GNG2: variants seen among roughly 807,000 people sequenced by gnomAD.
GNG2 encodes G protein subunit gamma 2.
In GNG2, 5 loss-of-function variants were observed where a neutral mutation model predicts 5.5. That is an observed-to-expected ratio of 0.91 (90% CI 0.48 to 1.92). The LOEUF (loss-of-function observed/expected upper bound fraction) is 1.92. Ranked by LOEUF, GNG2 falls within the 30% of genes most tolerant of loss-of-function variation. The pLI, the probability that GNG2 is intolerant of heterozygous loss-of-function variation, is 0.01. For missense variants in GNG2, 55 were observed against 88.4 expected (o/e 0.62, Z 1.52); for synonymous variants, 28 against 32.0 (o/e 0.88, Z 0.42).
intron 2 of GNG2, among the ~76,000 whole-genome samples, chr14:51,930,215 A>C (rs1426535813): frequency 6.6e-6 from 1 of 152,206 alleles, no homozygotes; most frequent in Non-Finnish European, 1.5e-5. Flanking sequence ...AATTTCTCTT[A>C]GTAGCATCAG....
At chr14:51,942,895 C>G (rs1369800224) in intron 2 of GNG2, among the ~76,000 whole-genome samples, 4 of 152,064 alleles carry the variant, frequency 2.6e-5, no homozygotes, top group Non-Finnish European at 4.4e-5. Context: ...CTACTGGGCT[C>G]ACAACAGCTT....
At chr14:51,940,494 T>A (rs1005721932) in intron 2 of GNG2, 1 of 152,318 alleles carries the variant, frequency 6.6e-6, no homozygotes, top group African/African-American at 2.4e-5. Context: ...CCTTTTTTGT[T>A]CTTCATCTCA....
rs1254539878 is a variant in GNG2 at position 51,966,588 on chromosome 14, C to T, written c.117C>T (p.Ala39=). Residue 39 remains alanine, a synonymous_variant, in exon 4 of 4, where the codon GCC becomes GCT. Transcript: ENST00000556766. ...CCAAGGCAGCTGCAGATTTGATGGC[C>T]TACTGTGAAGCACATGCCAAGGAAG... The part of the protein sequence containing the change: ...KVSKAAADLM[A]YCEAHAKEDP... 1 of 1,613,638 alleles carries T rather than the reference C, an allele frequency of 6.2e-7. No homozygotes were observed. The highest frequency in any genetic ancestry group is 1.7e-5 in the Admixed American group (1 of 60,026).
intron 2 of GNG2, among the ~76,000 whole-genome samples, chr14:51,840,034 A>G (rs896709326): frequency 1.3e-5 from 2 of 152,296 alleles, no homozygotes; most frequent in East Asian, 1.9e-4. Context: ...TTTTGTATCA[A>G]TTACTTGCAT....
At chr14:51,929,411 A>T (rs1887525633) in intron 2 of GNG2, among the ~76,000 whole-genome samples, 2 of 152,234 alleles carry the variant, frequency 1.3e-5, no homozygotes. Context: ...CTGAGAATCA[A>T]GAGGCACTAA....
chr14:51,889,054 T>C (rs545620966), intron 2 of GNG2, among the ~76,000 whole-genome samples: 2 of 149,674 alleles, frequency 1.3e-5, no homozygotes, highest in East Asian at 2.0e-4. Context: ...GGTTTCAGAC[T>C]GGGGGAGAGG....
At chr14:51,864,986 G>C (rs561524927) in intron 1 of GNG2, among the ~76,000 whole-genome samples, 1 of 152,132 alleles carries the variant, frequency 6.6e-6, no homozygotes, top group South Asian at 2.1e-4. Context: ...CCTTAAACTG[G>C]TGAGGCAGGG....
chr14:51,832,316 A>G (rs190407539), intron 2 of GNG2, among the ~76,000 whole-genome samples: 3 of 152,202 alleles, frequency 2.0e-5, no homozygotes, highest in Non-Finnish European at 4.4e-5. Context: ...AAGATGGCAA[A>G]GCTATTTCAA....
intron 2 of GNG2, among the ~76,000 whole-genome samples, chr14:51,832,118 A>G (rs1005982423): frequency 2.8e-5 from 4 of 144,992 alleles, no homozygotes; most frequent in African/African-American, 1.1e-4. Context: ...TGTCTGTACA[A>G]AAAATACAAA....
intron 2 of GNG2, chr14:51,914,038 G>T: frequency 1.9e-6 from 1 of 521,528 alleles, no homozygotes; most frequent in Non-Finnish European, 3.4e-6. Flanking sequence ...GCTTAAAACT[G>T]GGAGTCACTG....
chr14:51,905,465 G>A (rs1045723598), intron 2 of GNG2, among the ~76,000 whole-genome samples: 1 of 152,056 alleles, frequency 6.6e-6, no homozygotes, highest in African/African-American at 2.4e-5. Context: ...CTCACTACAT[G>A]GTTTGGCTGA....
chr14:51,951,926 C>G (rs1256175908), intron 3 of GNG2: 1 of 701,814 alleles, frequency 1.4e-6, no homozygotes, highest in Admixed American at 2.0e-5. Context: ...TGGTTCTCAG[C>G]TCATCTGTGC....
intron 2 of GNG2, among the ~76,000 whole-genome samples, chr14:51,845,402 G>A (rs1222878868): frequency 6.6e-6 from 1 of 152,208 alleles, no homozygotes; most frequent in Admixed American, 6.5e-5. Context: ...GCTGAGGTGG[G>A]AGGATTGACT....
At chr14:51,865,914 G>A (rs1377892354) in intron 1 of GNG2, among the ~76,000 whole-genome samples, 2 of 150,460 alleles carry the variant, frequency 1.3e-5, no homozygotes, top group African/African-American at 2.5e-5. Context: ...GGGAGTCAGT[G>A]TTCAGACAAT....
chr14:51,930,962 G>A, intron 2 of GNG2, among the ~76,000 whole-genome samples: 1 of 152,202 alleles, frequency 6.6e-6, no homozygotes, highest in South Asian at 2.1e-4. Context: ...CCATGGTGGT[G>A]GCATGCGCCT....
chr14:51,925,205 A>C (rs118129993), intron 2 of GNG2, among the ~76,000 whole-genome samples: 1 of 152,240 alleles, frequency 6.6e-6, no homozygotes, highest in Non-Finnish European at 1.5e-5. Context: ...TGTTGTATAC[A>C]TGTATGAAAA....
intron 1 of GNG2, among the ~76,000 whole-genome samples, chr14:51,865,941 T>A (rs1882845854): frequency 1.8e-5 from 1 of 56,152 alleles, no homozygotes. Context: ...AGGACTTCAT[T>A]AAACACTGAA....
rs573586553 is a variant in GNG2, at chr14:51,966,970, C to A, written c.*283C>A. ...TTTTCTGCTATCCCCCAGCCCCCCC[C>A]CCAAAATCCTCATGTTTCTGCTTCA... On this transcript the variant is annotated 3_prime_UTR_variant, in exon 4 of 4. Coordinates refer to ENST00000556766, the MANE Select transcript of GNG2 (RefSeq NM_053064.5). 4 of 179,600 alleles carry A rather than the reference C, an allele frequency of 2.2e-5. No individual in the cohort carries two copies. Among genetic ancestry groups the A allele is most frequent in the African/African-American group, 2.5e-5 (1 of 39,796 alleles). The allele number at this position is 179,600 out of a possible 1,614,324, so 11.1% of individuals were successfully genotyped here.
intron 2 of GNG2, among the ~76,000 whole-genome samples, chr14:51,847,704 A>G (rs956773185): frequency 2.8e-4 from 43 of 152,076 alleles, no homozygotes; most frequent in African/African-American, 9.7e-4. Flanking sequence ...GGACCCTCAG[A>G]AGGCCTTAGC....
Sources: gnomAD v4.1 joint callset for allele counts (sites outside exome capture counted in the v4.1 genomes callset) on GRCh38, gnomAD v4.1.1 for gene constraint, MANE v1.5 for transcripts, NCBI Gene and HGNC (gene_info 2026-07-23, HGNC 2026-07-21) for gene names.